DLST: variants seen among roughly 807,000 people sequenced by gnomAD.
DLST encodes dihydrolipoamide S-succinyltransferase, also known as dihydrolipoyllysine-residue succinyltransferase component of 2-oxoglutarate dehydrogenase complex, mitochondrial.
Under a neutral mutation model 53.1 loss-of-function variants are expected in DLST, and 17 were observed. The ratio of observed to expected loss-of-function variants is 0.32; its 90% CI spans 0.22 to 0.48. The LOEUF (loss-of-function observed/expected upper bound fraction) is 0.48. DLST is among the 20% of genes least tolerant of loss of function. The pLI, the probability that DLST is intolerant of heterozygous loss-of-function variation, is 0.99. For missense variants in DLST, 512 were observed against 583.9 expected, an observed-to-expected ratio of 0.88 and a Z score of 1.27; for synonymous variants, 206 against 204.8, an observed-to-expected ratio of 1.01 and a Z score of -0.05.
chr14:74,885,426 T>C (rs1288114875), intron 2 of DLST, among the ~76,000 whole-genome samples, 160 bp from the exon 3 acceptor site: 5 of 152,216 alleles, frequency 3.3e-5, no homozygotes, highest in Admixed American at 6.5e-5. Flanking sequence ...AAGGCTACTT[T>C]GGAAAAGTTT....
chr14:74,882,001 C>T lies in DLST; in HGVS notation c.48C>T (p.Leu16=), dbSNP rs139599696. ...TGTCTCGGGCGTTCAGCCGCTCGCTCTCCGCCTTCCAGAAGGTACGGTCTG... is the reference window on the plus strand; with the variant it reads ...TGTCTCGGGCGTTCAGCCGCTCGCTTTCCGCCTTCCAGAAGGTACGGTCTG... ...RCVSRAFSRS[L]SAFQKGNCPL... The change falls in exon 1 of 15, where the codon CTC becomes CTT. Residue 16 remains leucine, a synonymous_variant. Transcript: ENST00000334220. 9 of 1,572,170 alleles carry T rather than the reference C, an allele frequency of 5.7e-6. No homozygotes were observed. The highest frequency in any genetic ancestry group is 6.9e-6 in the Non-Finnish European group (8 of 1,167,452).
rs749871935 is a variant in DLST at position 74,881,921 on chromosome 14, C to G, written c.-33C>G. 4 of 1,517,140 alleles carry G rather than the reference C, an allele frequency of 2.6e-6. No homozygotes were observed. The highest frequency in any genetic ancestry group is 1.4e-5 in the African/African-American group (1 of 71,022). The allele number at this position is 1,517,140 out of a possible 1,614,324, so 94.0% of individuals were successfully genotyped here. On this transcript the variant is annotated 5_prime_UTR_variant, in exon 1 of 15. Transcript: ENST00000334220. Reference sequence around the variant, plus strand: ...TCCGGTTGTTGTCCGGCCCTATATCCGGTGTCCGCCCGCCCTCGGCTCCTC... The same window carrying G: ...TCCGGTTGTTGTCCGGCCCTATATCGGGTGTCCGCCCGCCCTCGGCTCCTC...
intron 6 of DLST, 47 bp downstream of exon 6, chr14:74,889,999 G>A: frequency 6.4e-7 from 1 of 1,562,940 alleles, no homozygotes; most frequent in Admixed American, 1.7e-5. Flanking sequence ...GCTTCCCTTA[G>A]TTAACCTAAT....
chr14:74,884,344 A>T (rs1199432353), intron 2 of DLST, among the ~76,000 whole-genome samples: 1 of 152,174 alleles, frequency 6.6e-6, no homozygotes, highest in Non-Finnish European at 1.5e-5. Flanking sequence ...CATGTTTTTC[A>T]AGTGGGAACC....
intron 6 of DLST, among the ~76,000 whole-genome samples, chr14:74,890,230 C>T (rs1434501485): frequency 6.8e-6 from 1 of 147,060 alleles, no homozygotes; most frequent in African/African-American, 2.6e-5. Flanking sequence ...TGGGTTCAAG[C>T]GATTCTCCTG....
chr14:74,884,674 A>G (rs930847322), intron 2 of DLST, among the ~76,000 whole-genome samples: 1 of 152,194 alleles, frequency 6.6e-6, no homozygotes, highest in African/African-American at 2.4e-5. Flanking sequence ...GCCGCCATCT[A>G]TTCTAGTTCA....
At position 74,882,035 on chromosome 14, in the gene DLST, G is replaced by C; in HGVS notation, c.63+19G>C. ...CCAGAAGGTACGGTCTGGCCGAGCC[G>C]GGGCCCCGACGGGTGAGGAGTCTGT... On this transcript the variant is annotated intron_variant, in intron 1 of 14. Coordinates refer to ENST00000334220, the MANE Select transcript of DLST (RefSeq NM_001933.5). The C allele has an allele frequency of 1.3e-6, 2 of 1,538,478 alleles. No homozygotes were observed. Among genetic ancestry groups the C allele is most frequent in the Non-Finnish European group, 8.7e-7 (1 of 1,151,416 alleles).
chr14:74,898,648 C>A, intron 11 of DLST, 149 bp downstream of exon 11: 2 of 1,038,770 alleles, frequency 1.9e-6, no homozygotes, highest in Non-Finnish European at 2.7e-6. Flanking sequence ...TTTCTTGGTT[C>A]ACCTTCCTGA....
chr14:74,899,864 C>A, intron 11 of DLST, 59 bp from the exon 12 acceptor site: 2 of 1,351,134 alleles, frequency 1.5e-6, no homozygotes, highest in South Asian at 1.2e-5. Flanking sequence ...GCACATATTA[C>A]CTCATTAGTC....
chr14:74,896,523 G>A (rs1326674997), intron 10 of DLST, among the ~76,000 whole-genome samples: 1 of 152,226 alleles, frequency 6.6e-6, no homozygotes, highest in African/African-American at 2.4e-5. Context: ...GGAGAAGGGA[G>A]TGTTTTCTTG....
At position 74,902,332 on chromosome 14, in the gene DLST, A is replaced by G. The variant is rs149799872; in HGVS notation, c.*2A>G. ...AGAGTCCTCCTCCTGGATCTTTAGG[A>G]GGAACCCACACACCCTACAAGTTGA... On this transcript the variant is annotated 3_prime_UTR_variant, in exon 15 of 15. Coordinates refer to ENST00000334220, the MANE Select transcript of DLST (RefSeq NM_001933.5). The G allele has an allele frequency of 1.2e-6, 2 of 1,609,558 alleles. No homozygotes were observed. The highest frequency in any genetic ancestry group is 1.7e-6 in the Non-Finnish European group (2 of 1,177,858).
At chr14:74,884,251 A>C (rs1298026513) in intron 2 of DLST, among the ~76,000 whole-genome samples, 2 of 152,340 alleles carry the variant, frequency 1.3e-5, no homozygotes, top group East Asian at 3.9e-4. Flanking sequence ...AGGATCGCGT[A>C]AAGTGTGGAC....
In DLST at chr14:74,902,231, C is replaced by A. The variant is rs1205242206; in HGVS notation, c.1263C>A (p.Thr421=). Residue 421 remains threonine, a synonymous_variant, in exon 15 of 15, where the codon ACC becomes ACA. Coordinates refer to ENST00000334220, the MANE Select transcript of DLST (RefSeq NM_001933.5). ...GGCCCATGATGTACGTGGCACTGAC[C>A]TATGATCACCGGCTGATTGATGGCA... ...EVRPMMYVAL[T]YDHRLIDGRE... 2.5e-6 allele frequency: 4 copies of A among 1,612,090 alleles called. No individual in the cohort carries two copies. Among genetic ancestry groups the A allele is most frequent in the Admixed American group, 3.3e-5 (2 of 59,770 alleles).
At chr14:74,901,637 G>A (rs553989615) in intron 14 of DLST, among the ~76,000 whole-genome samples, 7 of 152,122 alleles carry the variant, frequency 4.6e-5, no homozygotes, top group Non-Finnish European at 2.9e-5. Flanking sequence ...TAAATTTCCC[G>A]GGAGTTCAGA....
At chr14:74,889,175 A>G in intron 4 of DLST, 28 bp downstream of exon 4, 1 of 1,613,310 alleles carries the variant, frequency 6.2e-7, no homozygotes, top group Non-Finnish European at 8.5e-7. Flanking sequence ...TGGGAATGGA[A>G]TTTTATGGGA....
chr14:74,887,398 A>G (rs1026229170), intron 3 of DLST, among the ~76,000 whole-genome samples: 9 of 152,252 alleles, frequency 5.9e-5, no homozygotes, highest in Non-Finnish European at 8.8e-5. Context: ...TACAATAAAT[A>G]CACTAAATAT....
intron 6 of DLST, 69 bp downstream of exon 6, chr14:74,890,021 G>T: frequency 7.3e-7 from 1 of 1,367,286 alleles, no homozygotes. Flanking sequence ...AAAGAAACAG[G>T]GACTTAACCA....
chr14:74,902,110 C>A, intron 14 of DLST, 86 bp from the exon 15 acceptor site: 1 of 1,357,752 alleles, frequency 7.4e-7, no homozygotes, highest in Non-Finnish European at 9.7e-7. Context: ...GAATTAGGAA[C>A]TTTCTTATGG....
chr14:74,891,633 ATTTCT>A, intron 7 of DLST: 7 of 985,838 alleles, frequency 7.1e-6, no homozygotes, highest in Non-Finnish European at 7.2e-6. Flanking sequence ...AAGGGTTGGT[ATTTCT>A]TTTGGGAAGA....
Sources: gnomAD v4.1 joint callset for allele counts (sites outside exome capture counted in the v4.1 genomes callset) on GRCh38, gnomAD v4.1.1 for gene constraint, MANE v1.5 for transcripts, NCBI Gene and HGNC (gene_info 2026-07-23, HGNC 2026-07-21) for gene names.